The following CRADD variants were observed in gnomAD, a reference collection of about 807,000 sequenced individuals.
The protein encoded by CRADD is death domain-containing protein CRADD.
Under a neutral mutation model 15.5 loss-of-function variants are expected in CRADD, and 9 were observed. The ratio of observed to expected loss-of-function variants is 0.58; its 90% CI spans 0.35 to 1.01. CRADD has a LOEUF of 1.01. CRADD is among the 50% of genes least tolerant of loss of function. The pLI is 0.02. For missense variants in CRADD, 227 were observed against 250.3 expected (o/e 0.91, Z 0.63); for synonymous variants, 118 against 107.6 (o/e 1.10, Z -0.60).
At chr12:93,818,012 C>T (rs774499779) in intron 2 of CRADD, among the ~76,000 whole-genome samples, 3 of 152,210 alleles carry the variant, frequency 2.0e-5, no homozygotes, top group Non-Finnish European at 4.4e-5. Flanking sequence ...GTCTGGTCCT[C>T]AGCTTCGCAA....
downstream of CRADD, among the ~76,000 whole-genome samples, chr12:93,851,251 C>T (rs1347000202): frequency 6.6e-6 from 1 of 152,140 alleles, no homozygotes; most frequent in Non-Finnish European, 1.5e-5. Flanking sequence ...AGGTGGTTCA[C>T]CTCCTTCTGT....
intron 2 of CRADD, among the ~76,000 whole-genome samples, chr12:93,734,106 A>C: frequency 2.1e-5 from 3 of 144,050 alleles, no homozygotes; most frequent in South Asian, 2.2e-4. Flanking sequence ...TTCCTCCCTC[A>C]CTTTCTTTTA....
chr12:93,829,692 G>T lies in CRADD; in HGVS notation c.299-20278G>T, dbSNP rs575224273. Among the ~76,000 whole-genome samples the T allele has an allele frequency of 3.7e-3, 557 of 151,694 alleles. 3 individuals carry two copies. Among genetic ancestry groups the T allele is most frequent in the African/African-American group, 0.012 (513 of 41,432 alleles). On this transcript the variant is annotated intron_variant, in intron 2 of 2. Transcript: ENST00000332896. ...CAGCTCCCTAAAGTTTTGGTTTTTT[G>T]TTGTTGTTGTTGTTGTTTGAGATGG...
intron 2 of CRADD, among the ~76,000 whole-genome samples, chr12:93,785,097 TTA>T (rs980700266): frequency 1.4e-4 from 21 of 152,086 alleles, no homozygotes; most frequent in African/African-American, 5.1e-4. Context: ...GCTTTTTTTT[TTA>T]AAATAGGAAC....
chr12:93,703,163 A>G (rs1955873357), intron 2 of CRADD, among the ~76,000 whole-genome samples: 1 of 152,144 alleles, frequency 6.6e-6, no homozygotes, highest in African/African-American at 2.4e-5. Flanking sequence ...AAGGTCACAA[A>G]AGAAGTTTCT....
At chr12:93,800,371 A>G (rs1957463979) in intron 2 of CRADD, among the ~76,000 whole-genome samples, 1 of 152,164 alleles carries the variant, frequency 6.6e-6, no homozygotes, top group African/African-American at 2.4e-5. Flanking sequence ...GGCCCTCTAC[A>G]GACTGGATGG....
intron 2 of CRADD, chr12:93,737,782 G>C (rs1282234200): frequency 6.5e-6 from 1 of 153,036 alleles, no homozygotes; most frequent in African/African-American, 2.4e-5. Context: ...CTGTTTCATA[G>C]CCTTCCCGGG....
At chr12:93,773,988 T>C (rs1182078990) in intron 2 of CRADD, among the ~76,000 whole-genome samples, 2 of 139,542 alleles carry the variant, frequency 1.4e-5, no homozygotes, top group Admixed American at 7.6e-5. Context: ...TGTGCACCAC[T>C]CCACCTGGCT....
intron 2 of CRADD, among the ~76,000 whole-genome samples, chr12:93,737,185 G>C (rs928598576): frequency 5.9e-5 from 9 of 152,166 alleles, no homozygotes; most frequent in African/African-American, 2.2e-4. Context: ...GGGAGATGTG[G>C]ACCCATATAT....
chr12:93,860,118 G>A (rs1958307863), intron 2 of CRADD, among the ~76,000 whole-genome samples: 1 of 141,382 alleles, frequency 7.1e-6, no homozygotes, highest in Non-Finnish European at 1.5e-5. Context: ...CAACTTTTAA[G>A]AGGCCAACGC....
At chr12:93,852,669 A>C (rs1958237491), downstream of CRADD, among the ~76,000 whole-genome samples, 1 of 152,242 alleles carries the variant, frequency 6.6e-6, no homozygotes, top group South Asian at 2.1e-4. Context: ...GGGGAGGTGA[A>C]GAGCCTGCAG....
intron 2 of CRADD, among the ~76,000 whole-genome samples, chr12:93,800,079 GTAGA>G (rs1957460527): frequency 6.6e-6 from 1 of 152,140 alleles, no homozygotes; most frequent in Admixed American, 6.5e-5. Context: ...TAACAGATAG[GTAGA>G]TAAATATAGA....
At chr12:93,691,255 C>G (rs78232775) in intron 2 of CRADD, among the ~76,000 whole-genome samples, 2 of 141,526 alleles carry the variant, frequency 1.4e-5, no homozygotes, top group Admixed American at 7.0e-5. Context: ...CTTTTGTTTT[C>G]TTTTTTTTTT....
chr12:93,738,631 T>A, intron 2 of CRADD: 1 of 561,680 alleles, frequency 1.8e-6, no homozygotes, highest in South Asian at 2.4e-5. Flanking sequence ...ACTGATGTCA[T>A]TGTAACCTTT....
At chr12:93,870,953 A>G (rs1958413860) in intron 2 of CRADD, among the ~76,000 whole-genome samples, 1 of 152,274 alleles carries the variant, frequency 6.6e-6, no homozygotes, top group Admixed American at 6.5e-5. Context: ...TAACTGTGAC[A>G]TAAGCAAAAT....
intron 2 of CRADD, among the ~76,000 whole-genome samples, chr12:93,809,029 CT>C (rs1957588321): frequency 6.6e-6 from 1 of 152,110 alleles, no homozygotes; most frequent in Non-Finnish European, 1.5e-5. Flanking sequence ...ATTCTCCTGC[CT>C]CAGCCTTCTG....
intron 2 of CRADD, among the ~76,000 whole-genome samples, chr12:93,808,360 C>T (rs1398301545): frequency 6.6e-6 from 1 of 152,122 alleles, no homozygotes; most frequent in East Asian, 1.9e-4. Flanking sequence ...AGAGCCTGTG[C>T]AGGGGAACTC....
chr12:93,819,853 G>A (rs1468902072), intron 2 of CRADD, among the ~76,000 whole-genome samples: 2 of 152,276 alleles, frequency 1.3e-5, no homozygotes, highest in Middle Eastern at 3.4e-3. Flanking sequence ...CAAAAATAAC[G>A]AGCAAAGAAT....
intron 2 of CRADD, among the ~76,000 whole-genome samples, chr12:93,724,806 G>A (rs1465953750): frequency 6.6e-6 from 1 of 151,970 alleles, no homozygotes; most frequent in Non-Finnish European, 1.5e-5. Flanking sequence ...GGAATTTTGA[G>A]CAGAAGATTG....
Sources: allele counts gnomAD v4.1 joint callset (sites outside exome capture counted in the v4.1 genomes callset), GRCh38; gene constraint gnomAD v4.1.1; transcripts MANE v1.5; gene names NCBI Gene and HGNC (gene_info 2026-07-23, HGNC 2026-07-21).